Variants in CFAP20DC observed in about 807,000 individuals in gnomAD.
CFAP20DC encodes the protein CFAP20 domain containing, also known as protein CFAP20DC.
In CFAP20DC, 84 loss-of-function variants were observed where a neutral mutation model predicts 101.7. The observed-to-expected ratio is 0.83, with a 90% CI of 0.69 to 0.99. The LOEUF is 0.99. Ranked by LOEUF, CFAP20DC falls within the 50% of genes least tolerant of loss-of-function variation. The pLI is 0.00. For synonymous variants in CFAP20DC, 359 were observed against 351.2 expected, an observed-to-expected ratio of 1.02 and a Z score of -0.25; for missense variants, 1,007 against 970.3, an observed-to-expected ratio of 1.04 and a Z score of -0.50.
rs1056358250 is a variant in CFAP20DC at position 58,861,615 on chromosome 3, G to C, written c.1593+1943C>G. 2.0e-6 allele frequency: 2 copies of C among 985,220 alleles called. No homozygotes were observed. The highest frequency in any genetic ancestry group is 6.1e-5 in the Admixed American group (1 of 16,262). The allele number at this position is 985,220 out of a possible 1,614,324, so 61.0% of individuals were successfully genotyped here. A position where few individuals can be genotyped will look rare whatever the true frequency, so the allele number is the denominator to read the frequency against. ...TGTTTAAATATAGCCTAGCATTTTT[G>C]TTGGTCCTATTTTTGTATCTTAGCT... On this transcript the variant is annotated intron_variant, in intron 12 of 16. Coordinates refer to ENST00000482387, the MANE Select transcript of CFAP20DC (RefSeq NM_001394063.1). This position sits in a 1 kb window ranked among gnomAD's most constrained non-coding sequence, Gnocchi z 4.0.
chr3:58,989,981 T>C (rs753381325), intron 4 of CFAP20DC, among the ~76,000 whole-genome samples: 1 of 152,150 alleles, frequency 6.6e-6, no homozygotes, highest in Admixed American at 6.5e-5. Flanking sequence ...ATAAAAATTA[T>C]AGTAAATGAA....
downstream of CFAP20DC, among the ~76,000 whole-genome samples, chr3:58,717,008 A>T (rs2067408129): frequency 6.6e-6 from 1 of 151,704 alleles, no homozygotes; most frequent in Non-Finnish European, 1.5e-5. The surrounding 1 kb of genome is among the most constrained non-coding windows in gnomAD (Gnocchi z 4.1). Context: ...CTAGAAATTT[A>T]ACTAAGATGA....
chr3:58,729,959 G>C lies in CFAP20DC; in HGVS notation c.198-12331C>G, dbSNP rs935741793. Among the ~76,000 whole-genome samples the C allele has an allele frequency of 2.0e-5, 3 of 150,738 alleles. No individual in the cohort carries two copies. Among genetic ancestry groups the C allele is most frequent in the African/African-American group, 7.4e-5 (3 of 40,746 alleles). On this transcript the variant is annotated intron_variant, in intron 3 of 3. Transcript: ENST00000486145. The surrounding 1 kb of genome is among the most constrained non-coding windows in gnomAD (Gnocchi z 4.4). The stretch of plus-strand genomic sequence containing the variant: ...CTTGAACCCAGGAGGCAGAGGTTGT[G>C]GTGAACTGAGATCACGCCATTGCAT...
chr3:58,977,309 ATTAC>A (rs1195136108), intron 4 of CFAP20DC, among the ~76,000 whole-genome samples: 2 of 152,222 alleles, frequency 1.3e-5, no homozygotes, highest in Admixed American at 6.5e-5. Flanking sequence ...GCCCAACTAA[ATTAC>A]TTAAATGGAA....
chr3:58,753,590 T>C, intron 16 of CFAP20DC, 179 bp downstream of exon 16: 1 of 542,512 alleles, frequency 1.8e-6, no homozygotes, highest in Non-Finnish European at 3.2e-6. Context: ...TCTCATCTTC[T>C]TTTTAGTTGT....
intron 7 of CFAP20DC, among the ~76,000 whole-genome samples, chr3:58,870,913 A>G (rs1420709681): frequency 1.3e-4 from 20 of 150,176 alleles, no homozygotes; most frequent in African/African-American, 4.8e-4. Flanking sequence ...AAAAAAAAAA[A>G]AAAAAAAAAA....
intron 15 of CFAP20DC, among the ~76,000 whole-genome samples, chr3:58,791,423 A>G (rs2072844384): frequency 6.6e-6 from 1 of 152,314 alleles, no homozygotes; most frequent in East Asian, 1.9e-4. Context: ...TCATAAGGAT[A>G]TAAACCCAAC....
At chr3:58,991,251 A>G (rs2092927446) in intron 4 of CFAP20DC, among the ~76,000 whole-genome samples, 1 of 152,176 alleles carries the variant, frequency 6.6e-6, no homozygotes, top group Non-Finnish European at 1.5e-5. Flanking sequence ...CCAAATACTC[A>G]TCAGTAACCA....
intron 14 of CFAP20DC, among the ~76,000 whole-genome samples, chr3:58,826,083 G>C (rs1298899088): frequency 6.6e-6 from 1 of 152,140 alleles, no homozygotes; most frequent in Non-Finnish European, 1.5e-5. Context: ...GAAGTCGTCA[G>C]GTAAAAATGC....
At chr3:58,838,264 A>G (rs1458346080) in intron 13 of CFAP20DC, among the ~76,000 whole-genome samples, 1 of 152,208 alleles carries the variant, frequency 6.6e-6, no homozygotes, top group Non-Finnish European at 1.5e-5. Flanking sequence ...CATAGCAGGA[A>G]TCAGGAGTTA....
chr3:58,793,638 C>G (rs2073025164), intron 15 of CFAP20DC, among the ~76,000 whole-genome samples: 1 of 152,108 alleles, frequency 6.6e-6, no homozygotes, highest in African/African-American at 2.4e-5. Context: ...TGTATAGATT[C>G]TCACCCCCTA....
At chr3:58,939,759 ATTTTTTTTTTTTT>A (rs60955896) in intron 4 of CFAP20DC, among the ~76,000 whole-genome samples, 2 of 91,924 alleles carry the variant, frequency 2.2e-5, no homozygotes, top group South Asian at 3.4e-4. Context: ...TGCCCGGCCC[ATTTTTTTTTTTTT>A]TTTTTTTTTT....
chr3:58,911,816 T>G (rs944145886), intron 6 of CFAP20DC, among the ~76,000 whole-genome samples: 1 of 152,146 alleles, frequency 6.6e-6, no homozygotes, highest in Non-Finnish European at 1.5e-5. Context: ...CTCCAGAGAC[T>G]AAATCTCCTG....
intron 15 of CFAP20DC, among the ~76,000 whole-genome samples, chr3:58,766,849 G>T (rs1306564735): frequency 6.6e-6 from 1 of 152,064 alleles, no homozygotes; most frequent in African/African-American, 2.4e-5. Flanking sequence ...ACTGTCCCTT[G>T]GCCTGGTGAA....
chr3:58,762,247 A>G (rs991231232), intron 15 of CFAP20DC, among the ~76,000 whole-genome samples: 4 of 152,150 alleles, frequency 2.6e-5, no homozygotes, highest in African/African-American at 9.7e-5. Flanking sequence ...TATATTTAGG[A>G]TAGTTAGCTC....
At chr3:58,774,558 A>ATT (rs2071148891) in intron 15 of CFAP20DC, among the ~76,000 whole-genome samples, 1 of 152,216 alleles carries the variant, frequency 6.6e-6, no homozygotes, top group Non-Finnish European at 1.5e-5. Context: ...AATAAAATAG[A>ATT]AGCACAAGAA....
chr3:58,758,302 C>A lies in CFAP20DC; in HGVS notation c.2238-4439G>T, dbSNP rs568657300. Among the ~76,000 whole-genome samples, 4 of 152,208 alleles carry A rather than the reference C, an allele frequency of 2.6e-5. No homozygotes were observed. The East Asian group carries it at 5.8e-4, about 22-fold the overall frequency. On this transcript the variant is annotated intron_variant, in intron 15 of 16. Coordinates refer to ENST00000482387, the MANE Select transcript of CFAP20DC (RefSeq NM_001394063.1). ...TTGATCCTTGATCAACTCCTTTAAA[C>A]CTCCATGCTTTCCCCTACATAAGCA...
In CFAP20DC at chr3:58,914,677, A is replaced by AAT. The variant is rs200019424; in HGVS notation, c.394-815_394-814dup. On this transcript the variant is annotated intron_variant, in intron 5 of 16. Coordinates refer to ENST00000482387, the MANE Select transcript of CFAP20DC (RefSeq NM_001394063.1). This position sits in a 1 kb window ranked among gnomAD's most constrained non-coding sequence, Gnocchi z 4.9. ...GTTTACATAAGGTCCTGTATATATA[A>AAT]ATATATATATATATATTTTTTTTCT... Among the ~76,000 whole-genome samples, 237 of 148,304 alleles carry AAT rather than the reference A, an allele frequency of 1.6e-3. No homozygotes were observed. The highest frequency in any genetic ancestry group is 7.1e-3 in the Middle Eastern group (2 of 280).
intron 14 of CFAP20DC, among the ~76,000 whole-genome samples, chr3:58,813,163 T>A (rs2074808801): frequency 1.3e-5 from 2 of 151,746 alleles, no homozygotes; most frequent in South Asian, 4.2e-4. Context: ...CTGAAAAAAA[T>A]GATGCCAATA....
Sources: gnomAD v4.1 joint callset for allele counts (sites outside exome capture counted in the v4.1 genomes callset) on GRCh38, gnomAD v4.1.1 for gene constraint, Gnocchi (gnomAD v3.1) non-coding constraint, MANE v1.5 for transcripts, NCBI Gene and HGNC (gene_info 2026-07-23, HGNC 2026-07-21) for gene names.